SLC8A1: variants seen among roughly 807,000 people sequenced by gnomAD.
SLC8A1 encodes solute carrier family 8 member A1, also known as sodium/calcium exchanger 1.
Under a neutral mutation model 68.3 loss-of-function variants are expected in SLC8A1, and 18 were observed. The ratio of observed to expected loss-of-function variants is 0.26; its 90% CI spans 0.18 to 0.39. SLC8A1 has a LOEUF of 0.39. Ranked by LOEUF, SLC8A1 falls within the 10% of genes least tolerant of loss-of-function variation. The probability of loss-of-function intolerance (pLI) is 1.00; values close to 1 mark genes in which losing one functional copy is unlikely to be tolerated. For synonymous variants in SLC8A1, 475 were observed against 415.5 expected, an observed-to-expected ratio of 1.14 and a Z score of -1.74; for missense variants, 985 against 1,156.7, an observed-to-expected ratio of 0.85 and a Z score of 2.15.
At chr2:40,490,559 T>A (rs1246739548) in intron 1 of SLC8A1, among the ~76,000 whole-genome samples, 1 of 152,258 alleles carries the variant, frequency 6.6e-6, no homozygotes, top group Non-Finnish European at 1.5e-5. Context: ...ATGAATCTTA[T>A]ATACATTTAA....
chr2:40,285,534 G>C (rs1452086309), intron 2 of SLC8A1, among the ~76,000 whole-genome samples: 5 of 152,258 alleles, frequency 3.3e-5, no homozygotes, highest in African/African-American at 1.2e-4. Flanking sequence ...CAAATGCTGA[G>C]TGTGATTCAT....
intron 2 of SLC8A1, among the ~76,000 whole-genome samples, chr2:40,348,638 C>T (rs752057902): frequency 3.3e-5 from 5 of 152,218 alleles, no homozygotes; most frequent in Admixed American, 6.5e-5. Context: ...CTCAGAAGTA[C>T]GGGGATGGGT....
chr2:40,231,391 C>T (rs1228268081), intron 2 of SLC8A1, among the ~76,000 whole-genome samples: 1 of 152,134 alleles, frequency 6.6e-6, no homozygotes, highest in African/African-American at 2.4e-5. Context: ...TTTAGGGTTG[C>T]TCAGGATTTC....
intron 5 of SLC8A1, among the ~76,000 whole-genome samples, chr2:40,163,376 A>G (rs2046015731): frequency 6.6e-6 from 1 of 152,202 alleles, no homozygotes; most frequent in African/African-American, 2.4e-5. Context: ...GAACCCAGGC[A>G]AAGGGCAGGG....
intron 2 of SLC8A1, among the ~76,000 whole-genome samples, chr2:40,402,937 T>TAA (rs1257131645): frequency 1.3e-5 from 2 of 152,334 alleles, no homozygotes; most frequent in Admixed American, 1.3e-4. Context: ...ATTTGTGACT[T>TAA]ACTGTTCCAG....
At chr2:40,206,983 T>A (rs1415595086) in intron 2 of SLC8A1, among the ~76,000 whole-genome samples, 4 of 152,002 alleles carry the variant, frequency 2.6e-5, no homozygotes, top group Admixed American at 2.0e-4. Flanking sequence ...AGGGAAGAAG[T>A]CTTAACTAAT....
exon 2 of SLC8A1, chr2:40,429,821 T>A: frequency 6.2e-7 from 1 of 1,613,702 alleles, no homozygotes; most frequent in Non-Finnish European, 8.5e-7. Context: ...CACACTTCAA[T>A]TACTGAAAGG....
At chr2:40,418,618 A>G (rs1042147407) in intron 2 of SLC8A1, among the ~76,000 whole-genome samples, 8 of 152,196 alleles carry the variant, frequency 5.3e-5, no homozygotes, top group African/African-American at 1.9e-4. Flanking sequence ...CCATTTAGAG[A>G]AAGGACTCAA....
intron 2 of SLC8A1, among the ~76,000 whole-genome samples, chr2:40,188,461 C>T (rs1480139453): frequency 1.3e-5 from 2 of 152,330 alleles, no homozygotes; most frequent in South Asian, 4.1e-4. Context: ...ATTGATGCTG[C>T]TGGATTTCAG....
rs372595684 is a variant in SLC8A1 at position 40,262,409 on chromosome 2, A to C, written c.1809-84554T>G. ...TAGATTTTTATGAGGCTTTATCATAACTAAACCCAGTGGTGGACTGAATAA... is the reference window on the plus strand; with the variant it reads ...TAGATTTTTATGAGGCTTTATCATACCTAAACCCAGTGGTGGACTGAATAA... On this transcript the variant is annotated intron_variant, in intron 2 of 7. Coordinates refer to ENST00000406785, the Ensembl canonical transcript of SLC8A1. 2.0e-5 allele frequency among the ~76,000 whole-genome samples: 3 copies of C among 152,226 alleles called. No homozygotes were observed. The East Asian group carries it at 5.8e-4, about 29-fold the overall frequency.
intron 6 of SLC8A1, among the ~76,000 whole-genome samples, chr2:40,140,618 C>G (rs1316329390): frequency 1.3e-5 from 2 of 152,260 alleles, no homozygotes; most frequent in Admixed American, 1.3e-4. Context: ...AATACTGATG[C>G]ATGGTCAAGT....
chr2:40,241,313 A>G (rs984446597), intron 2 of SLC8A1, among the ~76,000 whole-genome samples: 1 of 152,096 alleles, frequency 6.6e-6, no homozygotes, highest in East Asian at 1.9e-4. Flanking sequence ...ATACACGGAC[A>G]TAAACGTGGG....
exon 2 of SLC8A1, chr2:40,428,711 G>C: frequency 6.2e-7 from 1 of 1,613,798 alleles, no homozygotes; most frequent in Non-Finnish European, 8.5e-7. Context: ...GCAGTGGAGG[G>C]AGATCCGAGG....
At chr2:40,493,431 G>A (rs1012935568) in intron 1 of SLC8A1, among the ~76,000 whole-genome samples, 1 of 151,208 alleles carries the variant, frequency 6.6e-6, no homozygotes, top group Non-Finnish European at 1.5e-5. Context: ...CACCAGCATG[G>A]CACACTTATA....
intron 6 of SLC8A1, among the ~76,000 whole-genome samples, chr2:40,142,935 TGTGTGTGTGA>T (rs2041846888): frequency 6.9e-6 from 1 of 145,252 alleles, no homozygotes; most frequent in Non-Finnish European, 1.5e-5. Context: ...TAATGCAAAA[TGTGTGTGTGA>T]GTGTGTGTGT....
At chr2:40,173,848 G>T (rs565210909) in intron 4 of SLC8A1, among the ~76,000 whole-genome samples, 1 of 152,066 alleles carries the variant, frequency 6.6e-6, no homozygotes, top group Admixed American at 6.6e-5. Context: ...CAGACCTACT[G>T]TTTAAATATT....
chr2:40,414,289 C>T lies in SLC8A1; in HGVS notation c.1808+14184G>A, dbSNP rs113725812. Among the ~76,000 whole-genome samples the T allele has an allele frequency of 5.3e-3, 804 of 152,194 alleles. 11 individuals carry two copies. The highest frequency in any genetic ancestry group is 0.018 in the African/African-American group (732 of 41,534). ...ATTCTGGCCACAAAGACAGCTAGACCGTGGGGAAGCAAACATCTGTACACA... is the reference window on the plus strand; with the variant it reads ...ATTCTGGCCACAAAGACAGCTAGACTGTGGGGAAGCAAACATCTGTACACA... On this transcript the variant is annotated intron_variant, in intron 2 of 7. Coordinates refer to ENST00000406785, the Ensembl canonical transcript of SLC8A1.
intron 2 of SLC8A1, among the ~76,000 whole-genome samples, chr2:40,415,689 A>C (rs1576304114): frequency 6.6e-6 from 1 of 152,030 alleles, no homozygotes; most frequent in Non-Finnish European, 1.5e-5. Context: ...ACTTGTCTCC[A>C]AAGAAAAGCA....
chr2:40,197,395 T>G (rs937862245), intron 2 of SLC8A1, among the ~76,000 whole-genome samples: 7 of 151,992 alleles, frequency 4.6e-5, no homozygotes, highest in Admixed American at 6.6e-5. Context: ...AAACCACAAA[T>G]GCCAAACACA....
Sources: gnomAD v4.1 joint callset for allele counts (sites outside exome capture counted in the v4.1 genomes callset) on GRCh38, gnomAD v4.1.1 for gene constraint, MANE v1.5 for transcripts, NCBI Gene and HGNC (gene_info 2026-07-23, HGNC 2026-07-21) for gene names.